ANKFY1: variants seen among roughly 807,000 people sequenced by gnomAD.
ANKFY1 encodes the protein ankyrin repeat and FYVE domain-containing protein 1.
ANKFY1 carries 47 observed loss-of-function variants against 128.3 expected under a neutral mutation model. The observed-to-expected ratio is 0.37, with a 90% CI of 0.29 to 0.47. The LOEUF (loss-of-function observed/expected upper bound fraction) is 0.47. Among genes scored for constraint, ANKFY1 ranks in the 20% least tolerant of loss-of-function variants. ANKFY1 has a pLI of 1.00. For missense variants in ANKFY1, 1,222 were observed against 1,510.6 expected (o/e 0.81, Z 3.17); for synonymous variants, 553 against 601.6 (o/e 0.92, Z 1.18).
At position 4,184,901 on chromosome 17, in the gene ANKFY1, TC is replaced by T; in HGVS notation, c.1615del (p.Asp539ThrfsTer110). 6.2e-7 allele frequency: 1 copy of T among 1,614,072 alleles called. No homozygotes were observed. The highest frequency in any genetic ancestry group is 8.5e-7 in the Non-Finnish European group (1 of 1,180,032). Reference sequence around the variant, plus strand: ...CAGTGGCGTCTGCAGATGGACGCTGTCCGCCAAGCTGGTCAGGGATGCGGCC... The same window carrying T: ...CAGTGGCGTCTGCAGATGGACGCTGTCGCCAAGCTGGTCAGGGATGCGGCC... ...KEAASLTSLA[D>X]SVHLQTPLHM... On this transcript the variant is annotated frameshift_variant, in exon 12 of 25. Transcript: ENST00000341657. LOFTEE classifies it high-confidence loss of function.
chr17:4,167,944 G>GCGCCAA lies in ANKFY1; in HGVS notation c.3378-39_3378-34dup. Reference sequence around the variant, plus strand: ...AGCAAAGAAAGGAAGTATGAGAGGAGCGCCAACGACAGACTCTGCTTCCTG... The same window carrying GCGCCAA: ...AGCAAAGAAAGGAAGTATGAGAGGAGCGCCAACGCCAACGACAGACTCTGCTTCCTG... On this transcript the variant is annotated intron_variant, in intron 24 of 24. Coordinates refer to ENST00000341657, the MANE Select transcript of ANKFY1 (RefSeq NM_001330063.2). The surrounding 1 kb of genome is among the most constrained non-coding windows in gnomAD (Gnocchi z 4.1). The GCGCCAA allele has an allele frequency of 6.2e-7, 1 of 1,603,208 alleles. No homozygotes were observed. Among genetic ancestry groups the GCGCCAA allele is most frequent in the South Asian group, 1.1e-5 (1 of 90,048 alleles).
intron 10 of ANKFY1, 61 bp downstream of exon 10, chr17:4,194,917 C>G (rs2059788542): frequency 2.6e-6 from 4 of 1,546,322 alleles, no homozygotes; most frequent in Admixed American, 3.4e-5. Context: ...AAGGCATTTA[C>G]ATGCCATTTC....
At chr17:4,197,919 C>T (rs1234688813) in intron 7 of ANKFY1, among the ~76,000 whole-genome samples, 7 of 152,058 alleles carry the variant, frequency 4.6e-5, no homozygotes, top group African/African-American at 1.2e-4. Flanking sequence ...CACCTGGGGT[C>T]GGGAGTTGGA....
chr17:4,226,742 C>CAAAAAAAAAAAAAAAAAAAACAAAAAA (rs35786963), intron 3 of ANKFY1, among the ~76,000 whole-genome samples: 1 of 68,294 alleles, frequency 1.5e-5, no homozygotes, highest in African/African-American at 5.5e-5. Flanking sequence ...GACTCCATCT[C>CAAAAAAAAAAAAAAAAAAAACAAAAAA]AAAAAAAAAA....
chr17:4,185,654 C>T (rs896866354), intron 11 of ANKFY1, among the ~76,000 whole-genome samples: 1 of 152,192 alleles, frequency 6.6e-6, no homozygotes, highest in Non-Finnish European at 1.5e-5. Context: ...TCTTCAGTGT[C>T]TTCCCCAAGC....
intron 14 of ANKFY1, among the ~76,000 whole-genome samples, chr17:4,182,877 A>C (rs1364509722): frequency 6.6e-6 from 1 of 152,132 alleles, no homozygotes; most frequent in Non-Finnish European, 1.5e-5. Flanking sequence ...AGGCCGAGGC[A>C]GGCAGATCAC....
intron 1 of ANKFY1, among the ~76,000 whole-genome samples, chr17:4,254,979 G>A (rs1045871724): frequency 5.9e-5 from 9 of 151,974 alleles, no homozygotes; most frequent in Non-Finnish European, 7.4e-5. Context: ...AAGCCAGAAC[G>A]CATCCCATTA....
intron 12 of ANKFY1, among the ~76,000 whole-genome samples, chr17:4,184,248 T>C (rs2059570733): frequency 6.6e-6 from 1 of 152,026 alleles, no homozygotes; most frequent in South Asian, 2.1e-4. Context: ...CCTCCTACAG[T>C]CTTAAAACTT....
At chr17:4,251,349 G>T (rs1421660397) in intron 1 of ANKFY1, among the ~76,000 whole-genome samples, 1 of 152,010 alleles carries the variant, frequency 6.6e-6, no homozygotes, top group Non-Finnish European at 1.5e-5. Flanking sequence ...TGGGGAGGAA[G>T]GATCACTTGA....
At chr17:4,190,376 G>C (rs146466629) in intron 10 of ANKFY1, among the ~76,000 whole-genome samples, 1 of 152,068 alleles carries the variant, frequency 6.6e-6, no homozygotes, top group African/African-American at 2.4e-5. Flanking sequence ...ACGAGGCAGA[G>C]GTTGCAGTGA....
intron 7 of ANKFY1, among the ~76,000 whole-genome samples, chr17:4,201,461 T>C (rs1272643235): frequency 1.4e-5 from 2 of 145,600 alleles, no homozygotes; most frequent in Admixed American, 1.4e-4. Context: ...CCTCAGATGC[T>C]AGATTGGCCT....
intron 3 of ANKFY1, chr17:4,222,839 G>T (rs1269672763): frequency 1.0e-6 from 1 of 962,408 alleles, no homozygotes; most frequent in East Asian, 2.4e-5. Context: ...CCCAAGGGTT[G>T]TCTCAGCCAT....
Position 4,166,409 on chromosome 17 carries a change from T to C in ANKFY1, c.*1370A>G, listed in dbSNP as rs1056308035. 3 of 152,696 alleles carry C rather than the reference T, an allele frequency of 2.0e-5. No homozygotes were observed. The highest frequency in any genetic ancestry group is 2.9e-5 in the Non-Finnish European group (2 of 68,052). 9.5% of individuals were successfully genotyped at this position (152,696 alleles called of 1,614,324 possible). A position where few individuals can be genotyped will look rare whatever the true frequency, so the allele number is the denominator to read the frequency against. On this transcript the variant is annotated 3_prime_UTR_variant, in exon 25 of 25. Transcript: ENST00000341657. ...TGTTAATCTCTGAGTATAACACATA[T>C]TGTTCATCTCAGAGTTGTTTTGTTT...
intron 7 of ANKFY1, among the ~76,000 whole-genome samples, chr17:4,199,643 C>T (rs1347229454): frequency 6.6e-6 from 1 of 152,168 alleles, no homozygotes; most frequent in Non-Finnish European, 1.5e-5. Flanking sequence ...TTGTCAGACA[C>T]TAGTAAAGAG....
At position 4,167,259 on chromosome 17, in the gene ANKFY1, G is replaced by T. The variant is rs546237408; in HGVS notation, c.*520C>A. ...CTAAAAATACAGCTTAGCGTAAAAAGAAAAAAAGACTTCAGGGCAAGAGGA... is the reference window on the plus strand; with the variant it reads ...CTAAAAATACAGCTTAGCGTAAAAATAAAAAAAGACTTCAGGGCAAGAGGA... On this transcript the variant is annotated 3_prime_UTR_variant, in exon 25 of 25. Coordinates refer to ENST00000341657, the MANE Select transcript of ANKFY1 (RefSeq NM_001330063.2). This position sits in a 1 kb window ranked among gnomAD's most constrained non-coding sequence, Gnocchi z 4.1. The T allele has an allele frequency of 6.5e-6, 1 of 152,700 alleles. No homozygotes were observed. The highest frequency in any genetic ancestry group is 1.5e-5 in the Non-Finnish European group (1 of 68,034). The allele number at this position is 152,700 out of a possible 1,614,324, so 9.5% of individuals were successfully genotyped here.
chr17:4,211,681 A>G (rs535502299), intron 4 of ANKFY1, among the ~76,000 whole-genome samples: 13 of 152,298 alleles, frequency 8.5e-5, no homozygotes, highest in African/African-American at 3.1e-4. Flanking sequence ...CAGCCTGGGC[A>G]ACACAGCAAG....
chr17:4,224,377 C>T (rs1010120426), intron 3 of ANKFY1, among the ~76,000 whole-genome samples: 55 of 152,058 alleles, frequency 3.6e-4, no homozygotes, highest in African/African-American at 1.3e-3. Flanking sequence ...TGCGCACCAC[C>T]ACGCCCGACT....
intron 7 of ANKFY1, among the ~76,000 whole-genome samples, chr17:4,202,512 C>T (rs1250382768): frequency 6.7e-6 from 1 of 150,004 alleles, no homozygotes; most frequent in Non-Finnish European, 1.5e-5. Flanking sequence ...TCCTGGCTAA[C>T]ACGGTGAAAC....
Position 4,182,203 on chromosome 17 carries a change from A to C in ANKFY1, c.2099T>G (p.Leu700Arg). ...CACCAGAGTGGATGCGATGTCCTCC[A>C]GATTGTTTGCCAATGCAAGCCACAG... ...PPLWLALANN[L>R]EDIASTLVRH... The change falls in exon 15 of 25, where the codon CTG (leucine) becomes CGG (arginine). Residue 700 changes from leucine to arginine, a missense_variant. Leu to Arg is a moderately radical substitution (Grantham distance 102). Coordinates refer to ENST00000341657, the MANE Select transcript of ANKFY1 (RefSeq NM_001330063.2). 3.2e-6 allele frequency: 5 copies of C among 1,565,584 alleles called. No individual in the cohort carries two copies. The highest frequency in any genetic ancestry group is 3.5e-6 in the Non-Finnish European group (4 of 1,151,032).
Sources: allele counts gnomAD v4.1 joint callset (sites outside exome capture counted in the v4.1 genomes callset), GRCh38; gene constraint gnomAD v4.1.1; non-coding constraint Gnocchi (gnomAD v3.1); transcripts MANE v1.5; gene names NCBI Gene and HGNC (gene_info 2026-07-23, HGNC 2026-07-21).